The following ZCWPW1 variants were observed in gnomAD, a reference collection of about 807,000 sequenced individuals.
The protein encoded by ZCWPW1 is zinc finger CW-type and PWWP domain containing 1.
A neutral mutation model predicts 81.3 loss-of-function variants in ZCWPW1; 56 were observed. The observed-to-expected ratio is 0.69, with a 90% CI of 0.56 to 0.86. The LOEUF (loss-of-function observed/expected upper bound fraction) is 0.86, where lower values mean the gene tolerates loss of function less well. ZCWPW1 is among the 40% of genes least tolerant of loss of function. The pLI is 0.00. For missense variants in ZCWPW1, 650 were observed against 769.8 expected (o/e 0.84, Z 1.84); for synonymous variants, 250 against 273.7 (o/e 0.91, Z 0.86).
chr7:100,424,963 G>T (rs1797044802), intron 2 of ZCWPW1, 67 bp downstream of exon 2: 1 of 152,172 alleles, frequency 6.6e-6, no homozygotes, highest in Non-Finnish European at 1.5e-5. Flanking sequence ...AAACAGTGAT[G>T]TATAGTATCA....
At chr7:100,417,332 G>T in intron 5 of ZCWPW1, 149 bp from the exon 6 acceptor site, 1 of 584,562 alleles carries the variant, frequency 1.7e-6, no homozygotes, top group South Asian at 2.4e-5. Context: ...TAAATTTTCA[G>T]GAAAAACTAC....
At position 100,408,643 on chromosome 7, in the gene ZCWPW1, G is replaced by A; in HGVS notation, c.888C>T (p.Arg296=). ...TCCAGGTCTCCTCAGGAATATCACA[G>A]CGATTATACTGCACATCTGCTGAAA... ...CDQNTDVQYN[R]CDIPEETWTG... is the part of the protein sequence containing the mutation. Residue 296 remains arginine (R), a synonymous_variant, in exon 10 of 18, where the codon CGC becomes CGT. Transcript: ENST00000684423. 1.2e-6 allele frequency: 2 copies of A among 1,613,734 alleles called. No individual in the cohort carries two copies.
intron 1 of ZCWPW1, among the ~76,000 whole-genome samples, chr7:100,427,787 C>T (rs148957278): frequency 9.9e-5 from 15 of 151,578 alleles, no homozygotes; most frequent in East Asian, 1.9e-4. Context: ...ATTTGTGGGG[C>T]GCTCCCATTT....
chr7:100,405,801 T>C (rs1246294944), intron 12 of ZCWPW1, among the ~76,000 whole-genome samples: 1 of 152,150 alleles, frequency 6.6e-6, no homozygotes, highest in African/African-American at 2.4e-5. Context: ...AAATTTTTTG[T>C]ATTTTAGTAG....
In ZCWPW1 at chr7:100,420,644, C is replaced by A. The variant is rs373353026; in HGVS notation, c.6G>T (p.Met2Ile). 3 of 1,613,956 alleles carry A rather than the reference C, an allele frequency of 1.9e-6. No individual in the cohort carries two copies. The highest frequency in any genetic ancestry group is 1.7e-5 in the Admixed American group (1 of 59,998). ...CACCTTCTTTATTCTGCAACGTTGT[C>A]ATCATTCAGCTTAGAAACTACGCTT... MMTTLQNKEECG... is the reference protein window; with the variant it reads MITTLQNKEECG... Residue 2 changes from methionine to isoleucine, a missense_variant, in exon 3 of 18, where the codon ATG (methionine) becomes ATT (isoleucine). Met to Ile is a conservative substitution (Grantham distance 10). Coordinates refer to ENST00000684423, the MANE Select transcript of ZCWPW1 (RefSeq NM_001386010.1).
intron 8 of ZCWPW1, among the ~76,000 whole-genome samples, chr7:100,415,662 AC>A (rs924598691): frequency 6.6e-6 from 1 of 152,070 alleles, no homozygotes; most frequent in African/African-American, 2.4e-5. Context: ...TTTTTCTATT[AC>A]CTTTCTTACC....
Position 100,404,241 on chromosome 7 carries a change from GTT to G in ZCWPW1, c.1256_1257del (p.Glu419AlafsTer3). 6.2e-7 allele frequency: 1 copy of G among 1,613,838 alleles called. No homozygotes were observed. On this transcript the variant is annotated frameshift_variant and splice_region_variant, in exon 14 of 18. Transcript: ENST00000684423. LOFTEE classifies it high-confidence loss of function. ...CTCCAGAAACCAAACAAGTTAACCC[GTT>G]CCTAAGGGAACCAAGAAACAAAAGC... The part of the protein sequence containing the change: ...AQEAEQISIQ[E>X]RVNLFGFWSR...
rs754263020 is a variant in ZCWPW1, at chr7:100,401,211, A to G, written c.1753T>C (p.Ser585Pro). 16 of 1,614,116 alleles carry G rather than the reference A, an allele frequency of 9.9e-6. No individual in the cohort carries two copies. Among genetic ancestry groups the G allele is most frequent in the Non-Finnish European group, 1.4e-5 (16 of 1,180,040 alleles). Residue 585 changes from serine (S) to proline (P), a missense_variant, in exon 18 of 18, where the codon TCT becomes CCT. Ser to Pro is a moderately conservative substitution (Grantham distance 74, BLOSUM62 -1). Transcript: ENST00000684423. ...CGGTGTCTGGGCTCTTCTTTCGCAGATGAGGGGCAGGCCCCCTTACACGCT... is the reference window on the plus strand; with the variant it reads ...CGGTGTCTGGGCTCTTCTTTCGCAGGTGAGGGGCAGGCCCCCTTACACGCT... Reference protein sequence around the residue: ...LSACKGACPSSAKEEPRHREP... With the variant: ...LSACKGACPSPAKEEPRHREP...
intron 5 of ZCWPW1, 86 bp downstream of exon 5, chr7:100,419,025 A>G (rs1249029452): frequency 1.6e-5 from 17 of 1,047,280 alleles, no homozygotes; most frequent in Non-Finnish European, 2.3e-5. Flanking sequence ...TGGGAGAGAA[A>G]GAGAGAAGCT....
chr7:100,414,424 T>G (rs1318804621), intron 8 of ZCWPW1, among the ~76,000 whole-genome samples: 1 of 152,188 alleles, frequency 6.6e-6, no homozygotes, highest in Non-Finnish European at 1.5e-5. Context: ...TCTATTTATT[T>G]AGTTTTTTAG....
At position 100,404,736 on chromosome 7, in the gene ZCWPW1, T is replaced by A. The variant is rs568845484; in HGVS notation, c.1254+277A>T. 3.3e-5 allele frequency among the ~76,000 whole-genome samples: 5 copies of A among 152,244 alleles called. No individual in the cohort carries two copies. In the South Asian group the frequency reaches 1.0e-3, roughly 32 times the overall value. On this transcript the variant is annotated intron_variant, in intron 13 of 17. Transcript: ENST00000684423. ...TTTTATGGAGATTAACTAATTATAA[T>A]CTCTATTTCCAGTTTGTTTCTAATT...
At position 100,419,340 on chromosome 7, in the gene ZCWPW1, C is replaced by A. The variant is rs1795933966; in HGVS notation, c.283-151G>T. The A allele has an allele frequency of 1.3e-5, 10 of 777,568 alleles. No homozygotes were observed. The East Asian group carries it at 2.7e-4, about 21-fold the overall frequency. The allele number at this position is 777,568 out of a possible 1,614,324, so 48.2% of individuals were successfully genotyped here. On this transcript the variant is annotated intron_variant, in intron 4 of 17. Coordinates refer to ENST00000684423, the MANE Select transcript of ZCWPW1 (RefSeq NM_001386010.1). ...ACCTAAGGAGGCCATGAACTATATCCCAGATCTCCTGGGAATAAAGGAGTC... is the reference window on the plus strand; with the variant it reads ...ACCTAAGGAGGCCATGAACTATATCACAGATCTCCTGGGAATAAAGGAGTC...
At chr7:100,408,691 G>T in intron 9 of ZCWPW1, 32 bp from the exon 10 acceptor site, 6 of 1,603,912 alleles carry the variant, frequency 3.7e-6, no homozygotes, top group Non-Finnish European at 4.3e-6. Context: ...GAAGGGACAG[G>T]AAGAGACTCT....
chr7:100,405,120 T>C lies in ZCWPW1; in HGVS notation c.1174-27A>G, dbSNP rs544475410. On this transcript the variant is annotated intron_variant, in intron 12 of 17. Transcript: ENST00000684423. ...TGAAATAGAAGATTAGAGCCAATGA[T>C]AAATATTGACTTAAAGATTAGAGTC... is the stretch of plus-strand genomic sequence containing the variant. 56 of 1,605,748 alleles carry C rather than the reference T, an allele frequency of 3.5e-5. 1 individual carries two copies. The South Asian group carries it at 4.6e-4, about 13-fold the overall frequency.
intron 12 of ZCWPW1, 139 bp downstream of exon 12, chr7:100,406,555 A>G (rs891958346): frequency 2.6e-6 from 2 of 768,784 alleles, no homozygotes; most frequent in African/African-American, 1.7e-5. Flanking sequence ...AGAGTCCTTC[A>G]TGAATTACCT....
In ZCWPW1 at chr7:100,413,603, G is replaced by A. The variant is rs1165051763; in HGVS notation, c.754+2372C>T. On this transcript the variant is annotated intron_variant, in intron 8 of 17. Coordinates refer to ENST00000684423, the MANE Select transcript of ZCWPW1 (RefSeq NM_001386010.1). Reference sequence around the variant, plus strand: ...CCTCTCCTTGGCAACTGTAAGAAATGGGAAGAATGGTTTATTTATAGCAGG... The same window carrying A: ...CCTCTCCTTGGCAACTGTAAGAAATAGGAAGAATGGTTTATTTATAGCAGG... Among the ~76,000 whole-genome samples, 6 of 152,300 alleles carry A rather than the reference G, an allele frequency of 3.9e-5. No individual in the cohort carries two copies. The South Asian group carries it at 8.3e-4, about 21-fold the overall frequency.
chr7:100,410,725 A>T lies in ZCWPW1; in HGVS notation c.755-1181T>A, dbSNP rs576029999. On this transcript the variant is annotated intron_variant, in intron 8 of 17. Coordinates refer to ENST00000684423, the MANE Select transcript of ZCWPW1 (RefSeq NM_001386010.1). ...ATCTGCAGGAACTGCACACCCTCTG[A>T]GCCACTCATCCAAACATCCTATCTA... is the stretch of plus-strand genomic sequence containing the variant. Among the ~76,000 whole-genome samples the T allele has an allele frequency of 4.6e-5, 7 of 152,280 alleles. No individual in the cohort carries two copies. The East Asian group carries it at 1.2e-3, about 25-fold the overall frequency.
At chr7:100,420,502 T>A in intron 3 of ZCWPW1, 120 bp downstream of exon 3, 1 of 1,120,032 alleles carries the variant, frequency 8.9e-7, no homozygotes, top group South Asian at 1.3e-5. Context: ...AGCAGAGCAG[T>A]AATTTGACCT....
intron 3 of ZCWPW1, among the ~76,000 whole-genome samples, chr7:100,420,084 T>C (rs1181605481): frequency 6.6e-6 from 1 of 152,340 alleles, no homozygotes; most frequent in East Asian, 1.9e-4. Flanking sequence ...CCTAGCAATC[T>C]GTAATTTTAC....
Sources: allele counts gnomAD v4.1 joint callset (sites outside exome capture counted in the v4.1 genomes callset), GRCh38; gene constraint gnomAD v4.1.1; transcripts MANE v1.5; gene names NCBI Gene and HGNC (gene_info 2026-07-23, HGNC 2026-07-21).